TRIM62: variants seen among roughly 807,000 people sequenced by gnomAD.
The protein encoded by TRIM62 is E3 ubiquitin-protein ligase TRIM62.
In TRIM62, 39 loss-of-function variants were observed where a neutral mutation model predicts 44.2. The ratio of observed to expected loss-of-function variants is 0.88; its 90% CI spans 0.68 to 1.15. The LOEUF is 1.15. Among genes scored for constraint, TRIM62 ranks in the 50% most tolerant of loss-of-function variants. The pLI is 0.00. For synonymous variants in TRIM62, 278 were observed against 292.3 expected (o/e 0.95, Z 0.50); for missense variants, 544 against 665.5 (o/e 0.82, Z 2.01).
chr1:33,146,580 C>T lies in TRIM62; in HGVS notation c.*597G>A. Reference sequence around the variant, plus strand: ...TCAACTACCAGGTGCCTTCCACAGGCCACAGCATCATCACTGACCAGCAGA... The same window carrying T: ...TCAACTACCAGGTGCCTTCCACAGGTCACAGCATCATCACTGACCAGCAGA... On this transcript the variant is annotated 3_prime_UTR_variant, in exon 5 of 5. Transcript: ENST00000291416. 1 of 161,178 alleles carries T rather than the reference C, an allele frequency of 6.2e-6. No individual in the cohort carries two copies. 10.0% of individuals were successfully genotyped at this position (161,178 alleles called of 1,614,324 possible). A position where few individuals can be genotyped will look rare whatever the true frequency, so the allele number is the denominator to read the frequency against.
At chr1:33,151,435 G>C (rs1160149220) in intron 4 of TRIM62, among the ~76,000 whole-genome samples, 1 of 152,134 alleles carries the variant, frequency 6.6e-6, no homozygotes, top group African/African-American at 2.4e-5. Context: ...CATTAACACA[G>C]GGTCTTGGCT....
intron 1 of TRIM62, chr1:33,166,119 C>T (rs1645325354): frequency 6.6e-6 from 1 of 152,360 alleles, no homozygotes; most frequent in African/African-American, 2.4e-5. Flanking sequence ...TTGCCTGCTC[C>T]TTATGAGAAT....
chr1:33,164,172 C>T (rs997198696), intron 2 of TRIM62: 3 of 152,204 alleles, frequency 2.0e-5, no homozygotes, highest in African/African-American at 7.2e-5. Flanking sequence ...CCCCGAGGGT[C>T]CTGCCCAGAG....
intron 1 of TRIM62, 140 bp downstream of exon 1, chr1:33,180,885 G>T: frequency 3.7e-6 from 1 of 270,330 alleles, no homozygotes; most frequent in Non-Finnish European, 6.1e-6. Flanking sequence ...ACTCCTGATA[G>T]GGCCCTGACC....
chr1:33,166,283 A>C (rs1645327041), intron 1 of TRIM62: 1 of 152,238 alleles, frequency 6.6e-6, no homozygotes, highest in African/African-American at 2.4e-5. Context: ...ATAGAAATAA[A>C]GTGCACAATA....
Position 33,147,267 on chromosome 1 carries a change from AGG to A in TRIM62, c.1336_1337del (p.Pro446TrpfsTer53), listed in dbSNP as rs1287433254. Reference sequence around the variant, plus strand: ...GGCTGAAGTAAGAGCAGAGCTTGCCAGGGAACTTCTCGCGGAAGGTGTAGAGC... The same window carrying A: ...GGCTGAAGTAAGAGCAGAGCTTGCCAGAACTTCTCGCGGAAGGTGTAGAGC... ...SWLYTFREKF[P>X]GKLCSYFSPG... is the part of the protein sequence containing the mutation. On this transcript the variant is annotated frameshift_variant, in exon 5 of 5. Coordinates refer to ENST00000291416, the MANE Select transcript of TRIM62 (RefSeq NM_018207.3). LOFTEE classifies it high-confidence loss of function. The surrounding 1 kb of genome is among the most constrained non-coding windows in gnomAD (Gnocchi z 8.1). 2 of 1,614,134 alleles carry A rather than the reference AGG, an allele frequency of 1.2e-6. No individual in the cohort carries two copies. The highest frequency in any genetic ancestry group is 2.7e-5 in the African/African-American group (2 of 75,060).
rs1361976847 is a variant in TRIM62 at position 33,181,148 on chromosome 1, C to T, written c.285G>A (p.Ala95=). ...GGCAGAAGAGCTTGACCTTGTCGTG[C>T]GCCTGGCAGGGTCGCGCGGCGCGGC... The part of the protein sequence containing the change: ...NARRAARPCQ[A]HDKVKLFCLT... The change falls in exon 1 of 5, where the codon GCG becomes GCA. Residue 95 remains alanine, a synonymous_variant. Coordinates refer to ENST00000291416, the MANE Select transcript of TRIM62 (RefSeq NM_018207.3). This position sits in a 1 kb window ranked among gnomAD's most constrained non-coding sequence, Gnocchi z 6.5. The T allele has an allele frequency of 1.9e-6, 3 of 1,599,924 alleles. No individual in the cohort carries two copies. Among genetic ancestry groups the T allele is most frequent in the Admixed American group, 1.7e-5 (1 of 59,628 alleles).
intron 1 of TRIM62, among the ~76,000 whole-genome samples, chr1:33,178,735 G>C (rs1645439775): frequency 1.3e-5 from 2 of 152,244 alleles, no homozygotes; most frequent in African/African-American, 4.8e-5. Flanking sequence ...TGGAACCCAA[G>C]TATGTCCAAC....
At chr1:33,176,518 C>T (rs1457979318) in intron 1 of TRIM62, 7 of 659,442 alleles carry the variant, frequency 1.1e-5, no homozygotes, top group Admixed American at 6.1e-5. Context: ...GAGACTGAAT[C>T]GGATCCCCTC....
Position 33,165,854 on chromosome 1 carries a change from C to A in TRIM62, c.409-288G>T. 1 of 264,044 alleles carries A rather than the reference C, an allele frequency of 3.8e-6. No individual in the cohort carries two copies. Among genetic ancestry groups the A allele is most frequent in the Non-Finnish European group, 7.2e-6 (1 of 139,566 alleles). The allele number at this position is 264,044 out of a possible 1,614,324, so 16.4% of individuals were successfully genotyped here. ...TCCACATACACACTCTCTGGCTCCC[C>A]ACACTTGGCCCTGGATCCCCGCTTA... On this transcript the variant is annotated intron_variant, in intron 1 of 4. Transcript: ENST00000291416. The surrounding 1 kb of genome is among the most constrained non-coding windows in gnomAD (Gnocchi z 4.0).
intron 2 of TRIM62, chr1:33,164,972 T>G (rs1234488533): frequency 9.0e-6 from 1 of 111,390 alleles, no homozygotes; most frequent in Non-Finnish European, 2.0e-5. Flanking sequence ...TTTTTTTTTT[T>G]GTAGAGAAGG....
rs1373984064 is a variant in TRIM62, at chr1:33,177,868, A to G, written c.408+3157T>C. Among the ~76,000 whole-genome samples the G allele has an allele frequency of 6.6e-6, 1 of 152,226 alleles. No homozygotes were observed. Among genetic ancestry groups the G allele is most frequent in the Non-Finnish European group, 1.5e-5 (1 of 68,042 alleles). ...AGTGCAGTACTAAGTTTTTATAAAC[A>G]TCATCTTGTTTAATCCTAATATAAT... On this transcript the variant is annotated intron_variant, in intron 1 of 4. Coordinates refer to ENST00000291416, the MANE Select transcript of TRIM62 (RefSeq NM_018207.3). This position sits in a 1 kb window ranked among gnomAD's most constrained non-coding sequence, Gnocchi z 4.1.
rs1236968716 is a variant in TRIM62 at position 33,159,799 on chromosome 1, C to T, written c.650G>A (p.Arg217His). Residue 217 changes from arginine (R) to histidine (H), a missense_variant, in exon 3 of 5, where the codon CGC (arginine) becomes CAC (histidine). Transcript: ENST00000291416. The surrounding 1 kb of genome is among the most constrained non-coding windows in gnomAD (Gnocchi z 4.2). ...GACCTTGCGCAGCTGCTGGCTGTAG[C>T]GCTGGACTTTCTGCTCGATGTCGGT... ...TLTDIEQKVQ[R>H]YSQQLRKVQE... 11 of 1,613,876 alleles carry T rather than the reference C, an allele frequency of 6.8e-6. No individual in the cohort carries two copies. The highest frequency in any genetic ancestry group is 2.2e-5 in the East Asian group (1 of 44,878).
At chr1:33,160,514 C>G (rs1003800593) in intron 2 of TRIM62, among the ~76,000 whole-genome samples, 1 of 152,080 alleles carries the variant, frequency 6.6e-6, no homozygotes, top group Non-Finnish European at 1.5e-5. Context: ...AGGCGATTCT[C>G]CAGCCTCAGC....
In TRIM62 at chr1:33,180,971, G is replaced by A. The variant is rs1227529643; in HGVS notation, c.408+54C>T. On this transcript the variant is annotated intron_variant, in intron 1 of 4. Coordinates refer to ENST00000291416, the MANE Select transcript of TRIM62 (RefSeq NM_018207.3). ...CCAGCCCTGACCCCACCCCCCGCCC[G>A]GCCCCACCTCCAGCCCGGCCCCGCC... 9.5e-6 allele frequency: 5 copies of A among 526,712 alleles called. No homozygotes were observed. In the African/African-American group the frequency reaches 2.4e-4, roughly 25 times the overall value. 32.6% of individuals were successfully genotyped at this position (526,712 alleles called of 1,614,324 possible).
intron 2 of TRIM62, among the ~76,000 whole-genome samples, chr1:33,160,176 T>C (rs1399456323): frequency 2.6e-5 from 4 of 152,064 alleles, no homozygotes; most frequent in African/African-American, 9.7e-5. Flanking sequence ...AGGCCTGAAC[T>C]AGAGGAGCAG....
intron 4 of TRIM62, among the ~76,000 whole-genome samples, chr1:33,152,899 C>T (rs72885918): frequency 0.017 from 2,549 of 152,148 alleles, 69 homozygotes; most frequent in African/African-American, 0.058. Flanking sequence ...GCAGGCTGCT[C>T]CTGGTGTCCT....
chr1:33,146,372 G>A lies in TRIM62; in HGVS notation c.*805C>T, dbSNP rs1438263126. ...TCCTGCACCCTAGCAGGTCACAGAGGCCTGGCTGAAGAGGGTTGGCTGGAC... is the reference window on the plus strand; with the variant it reads ...TCCTGCACCCTAGCAGGTCACAGAGACCTGGCTGAAGAGGGTTGGCTGGAC... On this transcript the variant is annotated 3_prime_UTR_variant, in exon 5 of 5. Transcript: ENST00000291416. 1 of 162,642 alleles carries A rather than the reference G, an allele frequency of 6.1e-6. No homozygotes were observed. The highest frequency in any genetic ancestry group is 1.4e-5 in the Non-Finnish European group (1 of 74,036). 10.1% of individuals were successfully genotyped at this position (162,642 alleles called of 1,614,324 possible).
rs1645261158 is a variant in TRIM62, at chr1:33,161,193, A to G, written c.505-1249T>C. Among the ~76,000 whole-genome samples, 1 of 152,218 alleles carries G rather than the reference A, an allele frequency of 6.6e-6. No homozygotes were observed. The highest frequency in any genetic ancestry group is 2.4e-5 in the African/African-American group (1 of 41,456). On this transcript the variant is annotated intron_variant, in intron 2 of 4. Transcript: ENST00000291416. This position sits in a 1 kb window ranked among gnomAD's most constrained non-coding sequence, Gnocchi z 4.3. ...AAGAGCCTGGTTATTGAAGACTGCA[A>G]TTCTAATAAGCGTTTCCCGGAAGTC... is the stretch of plus-strand genomic sequence containing the variant.
Sources: gnomAD v4.1 joint callset for allele counts (sites outside exome capture counted in the v4.1 genomes callset) on GRCh38, gnomAD v4.1.1 for gene constraint, Gnocchi (gnomAD v3.1) non-coding constraint, MANE v1.5 for transcripts, NCBI Gene and HGNC (gene_info 2026-07-23, HGNC 2026-07-21) for gene names.